STXBP5L: variants seen among roughly 807,000 people sequenced by gnomAD.
STXBP5L encodes the protein syntaxin binding protein 5L, also known as syntaxin-binding protein 5-like.
In STXBP5L, 65 loss-of-function variants were observed where a neutral mutation model predicts 144.5. That is an observed-to-expected ratio of 0.45 (90% CI 0.37 to 0.55). STXBP5L has a LOEUF of 0.55. Ranked by LOEUF, STXBP5L falls within the 20% of genes least tolerant of loss-of-function variation. The pLI is 0.00. For synonymous variants in STXBP5L, 505 were observed against 469.6 expected (o/e 1.08, Z -0.97); for missense variants, 1,298 against 1,405.5 (o/e 0.92, Z 1.22).
intron 3 of STXBP5L, among the ~76,000 whole-genome samples, chr3:121,031,959 G>T (rs1946400689): frequency 2.0e-5 from 3 of 152,118 alleles, no homozygotes; most frequent in African/African-American, 7.2e-5. Flanking sequence ...AGCAAAGCAG[G>T]ATTTGGTAGG....
chr3:120,967,206 C>T (rs115222128), intron 3 of STXBP5L, among the ~76,000 whole-genome samples: 6,083 of 152,176 alleles, frequency 0.04, 169 homozygotes, highest in Middle Eastern at 0.082. Context: ...AGTCTGTCAC[C>T]GCTTCCCTTG....
chr3:121,078,738 A>G (rs6438604), intron 5 of STXBP5L, among the ~76,000 whole-genome samples: 15,110 of 152,254 alleles, frequency 0.099, 1,171 homozygotes, highest in Admixed American at 0.2. Context: ...ATCAAGTGCA[A>G]TGCCAGTGGG....
At chr3:121,035,063 GTTAT>G (rs1309963438) in intron 3 of STXBP5L, among the ~76,000 whole-genome samples, 1 of 152,008 alleles carries the variant, frequency 6.6e-6, no homozygotes, top group Non-Finnish European at 1.5e-5. Context: ...TTTTAATGGG[GTTAT>G]TTGTTTTACT....
intron 12 of STXBP5L, among the ~76,000 whole-genome samples, chr3:121,238,641 T>C (rs1177649688): frequency 6.6e-6 from 1 of 152,204 alleles, no homozygotes; most frequent in Non-Finnish European, 1.5e-5. Context: ...TTATTTTTAA[T>C]GAATTAACTA....
chr3:121,140,079 G>A (rs903365046), intron 7 of STXBP5L, among the ~76,000 whole-genome samples: 3 of 152,018 alleles, frequency 2.0e-5, no homozygotes, highest in Non-Finnish European at 1.5e-5. Flanking sequence ...ATAATTAAGT[G>A]TAATTCCTCA....
At chr3:120,953,277 T>C (rs928536293) in intron 2 of STXBP5L, among the ~76,000 whole-genome samples, 3 of 151,442 alleles carry the variant, frequency 2.0e-5, no homozygotes, top group Non-Finnish European at 2.9e-5. Context: ...ATCTATACAG[T>C]AATTTTTTGC....
chr3:121,414,209 A>G (rs1401548701), intron 24 of STXBP5L, among the ~76,000 whole-genome samples: 1 of 152,066 alleles, frequency 6.6e-6, no homozygotes, highest in African/African-American at 2.4e-5. Context: ...ATGCTAATAA[A>G]TAAGATACAA....
At chr3:120,961,919 A>T (rs1159540019) in intron 3 of STXBP5L, among the ~76,000 whole-genome samples, 1 of 152,138 alleles carries the variant, frequency 6.6e-6, no homozygotes, top group Non-Finnish European at 1.5e-5. Flanking sequence ...ATTTCTCCAC[A>T]TCCTCCCCAA....
At chr3:120,934,608 A>T (rs1710160538) in intron 2 of STXBP5L, among the ~76,000 whole-genome samples, 1 of 152,062 alleles carries the variant, frequency 6.6e-6, no homozygotes, top group Non-Finnish European at 1.5e-5. Flanking sequence ...TCCAACGATT[A>T]TAGTGGATTT....
chr3:121,051,057 C>T (rs1284146263), intron 5 of STXBP5L, among the ~76,000 whole-genome samples: 2 of 152,094 alleles, frequency 1.3e-5, no homozygotes, highest in Admixed American at 6.6e-5. Flanking sequence ...TATATGCACC[C>T]AATACAGGAG....
chr3:121,346,400 C>T (rs57212948), intron 20 of STXBP5L, among the ~76,000 whole-genome samples: 5 of 151,904 alleles, frequency 3.3e-5, no homozygotes, highest in Non-Finnish European at 4.4e-5. Flanking sequence ...TGAATAGTGC[C>T]GCAATAAACA....
At chr3:121,073,000 A>G (rs1033141485) in intron 5 of STXBP5L, among the ~76,000 whole-genome samples, 1 of 152,220 alleles carries the variant, frequency 6.6e-6, no homozygotes, top group Non-Finnish European at 1.5e-5. Flanking sequence ...TCTTTGGGCC[A>G]AAGTTCCGAC....
rs768326616 is a variant in STXBP5L, at chr3:121,381,418, A to G, written c.2473A>G (p.Ile825Val). Residue 825 changes from isoleucine (I) to valine (V), a missense_variant, in exon 22 of 27, where the codon ATC becomes GTC. Physicochemically the swap from Ile to Val is conservative, Grantham distance 29. Transcript: ENST00000471454. ...CTTTGCACGGAAAAATGACTCTACCATCTCTCCTTGTCTGTTCGTTGGAAC... is the reference window on the plus strand; with the variant it reads ...CTTTGCACGGAAAAATGACTCTACCGTCTCTCCTTGTCTGTTCGTTGGAAC... ...DSFARKNDST[I>V]SPCLFVGTSL... 1.8e-5 allele frequency: 29 copies of G among 1,609,692 alleles called. No individual in the cohort carries two copies. Among genetic ancestry groups the G allele is most frequent in the South Asian group, 5.5e-5 (5 of 90,356 alleles).
chr3:120,978,538 C>T (rs377622280), intron 3 of STXBP5L, among the ~76,000 whole-genome samples: 1 of 152,230 alleles, frequency 6.6e-6, no homozygotes, highest in African/African-American at 2.4e-5. Context: ...GCCTTCTTCT[C>T]TCAACTCGTC....
chr3:121,376,902 T>C (rs1370032185), intron 20 of STXBP5L, among the ~76,000 whole-genome samples: 3 of 152,286 alleles, frequency 2.0e-5, no homozygotes, highest in African/African-American at 7.2e-5. Flanking sequence ...CTTTTATTTC[T>C]TTGAGCAGTA....
chr3:120,975,859 T>C (rs1940926763), intron 3 of STXBP5L, among the ~76,000 whole-genome samples: 1 of 152,190 alleles, frequency 6.6e-6, no homozygotes, highest in Non-Finnish European at 1.5e-5. Flanking sequence ...TTGATTTGTG[T>C]ATATTGAACC....
At chr3:121,390,436 T>A (rs1224560869) in intron 22 of STXBP5L, among the ~76,000 whole-genome samples, 1 of 152,210 alleles carries the variant, frequency 6.6e-6, no homozygotes, top group Admixed American at 6.5e-5. Context: ...CATTATGATG[T>A]TAGCTGGTTA....
intron 9 of STXBP5L, among the ~76,000 whole-genome samples, chr3:121,200,504 TTCTTG>T (rs745943309): frequency 1.3e-5 from 2 of 152,214 alleles, no homozygotes; most frequent in Non-Finnish European, 2.9e-5. Context: ...ACTTAGTTAT[TTCTTG>T]TCTTGTGCCA....
chr3:120,968,577 A>G (rs1939867098), intron 3 of STXBP5L, among the ~76,000 whole-genome samples: 1 of 152,156 alleles, frequency 6.6e-6, no homozygotes, highest in Non-Finnish European at 1.5e-5. Context: ...TAATTTTTAA[A>G]ATAAATTTCA....
Sources: gnomAD v4.1 joint callset for allele counts (sites outside exome capture counted in the v4.1 genomes callset) on GRCh38, gnomAD v4.1.1 for gene constraint, MANE v1.5 for transcripts, NCBI Gene and HGNC (gene_info 2026-07-23, HGNC 2026-07-21) for gene names.